RBFOX1: variants seen among roughly 807,000 people sequenced by gnomAD.
The protein encoded by RBFOX1 is RNA binding fox-1 homolog 1, also known as RNA binding protein fox-1 homolog 1.
In RBFOX1, 8 loss-of-function variants were observed where a neutral mutation model predicts 57.7. The observed-to-expected ratio is 0.14, with a 90% CI of 0.08 to 0.25. The LOEUF (loss-of-function observed/expected upper bound fraction) is 0.25, where lower values mean the gene tolerates loss of function less well. Ranked by LOEUF, RBFOX1 falls within the 10% of genes least tolerant of loss-of-function variation. The probability of loss-of-function intolerance (pLI) is 1.00; values close to 1 mark genes in which losing one functional copy is unlikely to be tolerated. For synonymous variants in RBFOX1, 326 were observed against 222.4 expected (o/e 1.47, Z -4.15); for missense variants, 611 against 548.5 (o/e 1.11, Z -1.14).
intron 4 of RBFOX1, among the ~76,000 whole-genome samples, chr16:7,091,595 C>G (rs1188020009): frequency 6.6e-6 from 1 of 152,126 alleles, no homozygotes. Flanking sequence ...CTCTACCTCC[C>G]AGAGTGTGTT....
chr16:6,133,795 G>T (rs1229939880), intron 1 of RBFOX1, among the ~76,000 whole-genome samples: 2 of 152,084 alleles, frequency 1.3e-5, no homozygotes, highest in Non-Finnish European at 2.9e-5. Flanking sequence ...GTCTTTGCCT[G>T]TGCTGTGCTT....
intron 1 of RBFOX1, among the ~76,000 whole-genome samples, chr16:5,341,546 T>G (rs532268687): frequency 5.3e-4 from 80 of 152,142 alleles, no homozygotes; most frequent in Non-Finnish European, 6.9e-4. Flanking sequence ...TCCCTGAGTT[T>G]TTTTATTTGA....
At chr16:7,341,578 T>G (rs551556970) in intron 4 of RBFOX1, among the ~76,000 whole-genome samples, 9 of 152,286 alleles carry the variant, frequency 5.9e-5, no homozygotes, top group Admixed American at 2.6e-4. Flanking sequence ...TCTTCATTGC[T>G]GTCAGTGGTC....
At chr16:5,834,014 G>T (rs937822653) in intron 3 of RBFOX1, among the ~76,000 whole-genome samples, 1 of 152,182 alleles carries the variant, frequency 6.6e-6, no homozygotes, top group Non-Finnish European at 1.5e-5. Flanking sequence ...AACAGATACA[G>T]ATTTTTATCC....
intron 1 of RBFOX1, among the ~76,000 whole-genome samples, chr16:6,296,490 G>A (rs537750633): frequency 7.3e-5 from 11 of 150,738 alleles, no homozygotes; most frequent in Admixed American, 6.0e-4. Context: ...GCGGGATCTC[G>A]GCTCACTGCA....
At chr16:5,317,566 G>A (rs1029561442) in intron 1 of RBFOX1, among the ~76,000 whole-genome samples, 5 of 152,148 alleles carry the variant, frequency 3.3e-5, no homozygotes, top group African/African-American at 1.2e-4. Context: ...CTGAGATCAC[G>A]CCGTTGCACT....
In RBFOX1 at chr16:5,333,798, G is replaced by A. The variant is rs529936558; in HGVS notation, c.219+93693G>A. On this transcript the variant is annotated intron_variant, in intron 1 of 2. Transcript: ENST00000585867. ...AACCTCTACAGCATGTTATTTTACT[G>A]AATCTGGTAGGCATTTGTAACACAG... Among the ~76,000 whole-genome samples the A allele has an allele frequency of 6.2e-3, 940 of 152,284 alleles. 10 individuals carry two copies. Among genetic ancestry groups the A allele is most frequent in the African/African-American group, 0.021 (889 of 41,558 alleles).
chr16:6,780,423 T>TATATATATTTAC (rs1433315825), intron 3 of RBFOX1, among the ~76,000 whole-genome samples: 1 of 117,022 alleles, frequency 8.5e-6, no homozygotes, highest in Non-Finnish European at 1.6e-5. Flanking sequence ...TATATATTTA[T>TATATATATTTAC]ATATATTTAT....
intron 3 of RBFOX1, among the ~76,000 whole-genome samples, chr16:6,990,386 G>A (rs1011972467): frequency 6.6e-6 from 1 of 152,048 alleles, no homozygotes; most frequent in African/African-American, 2.4e-5. Flanking sequence ...TTAGCCGGTA[G>A]TGGTGGCGCA....
intron 3 of RBFOX1, among the ~76,000 whole-genome samples, chr16:5,685,043 G>T (rs571092467): frequency 1.3e-5 from 2 of 152,214 alleles, no homozygotes; most frequent in African/African-American, 4.8e-5. Context: ...CGATAGAAGC[G>T]GTTGTGATTC....
intron 1 of RBFOX1, among the ~76,000 whole-genome samples, chr16:6,208,285 T>A (rs2097268498): frequency 6.6e-6 from 1 of 152,182 alleles, no homozygotes; most frequent in Non-Finnish European, 1.5e-5. Context: ...TAACTTTTGC[T>A]TTATACATGT....
chr16:6,894,169 C>G (rs141182845), intron 3 of RBFOX1, among the ~76,000 whole-genome samples: 3 of 152,074 alleles, frequency 2.0e-5, no homozygotes, highest in Non-Finnish European at 2.9e-5. Context: ...TATCTCTTGT[C>G]TGTCTGTCTG....
rs137973363 is a variant in RBFOX1 at position 5,266,938 on chromosome 16, A to C, written c.219+26833A>C. On this transcript the variant is annotated intron_variant, in intron 1 of 2. Coordinates refer to the RBFOX1 transcript ENST00000585867. ...TCTTTAAGTAATAATTCAATAAAGCATTTAGAAAAATTGGTCATAATAGGA... is the reference window on the plus strand; with the variant it reads ...TCTTTAAGTAATAATTCAATAAAGCCTTTAGAAAAATTGGTCATAATAGGA... 9.0e-3 allele frequency among the ~76,000 whole-genome samples: 1,377 copies of C among 152,178 alleles called. 11 individuals carry two copies. Among genetic ancestry groups the C allele is most frequent in the South Asian group, 0.015 (70 of 4,810 alleles).
At chr16:7,069,714 G>A (rs1257209976) in intron 4 of RBFOX1, among the ~76,000 whole-genome samples, 2 of 152,140 alleles carry the variant, frequency 1.3e-5, no homozygotes, top group African/African-American at 4.8e-5. Context: ...AAGTGGGGCA[G>A]CATCGAGGTG....
chr16:5,929,066 A>T (rs777742381), intron 4 of RBFOX1, among the ~76,000 whole-genome samples: 1 of 150,656 alleles, frequency 6.6e-6, no homozygotes, highest in East Asian at 1.9e-4. Context: ...AGAAAATCCT[A>T]TTTAAACACA....
intron 3 of RBFOX1, among the ~76,000 whole-genome samples, chr16:5,763,900 C>T (rs1469472936): frequency 1.3e-5 from 2 of 152,148 alleles, no homozygotes; most frequent in Non-Finnish European, 2.9e-5. Context: ...TTTTTTATTT[C>T]CAGGTATGTA....
intron 2 of RBFOX1, among the ~76,000 whole-genome samples, chr16:6,469,058 G>A (rs1198155095): frequency 6.6e-6 from 1 of 152,048 alleles, no homozygotes; most frequent in South Asian, 2.1e-4. Flanking sequence ...CCCCTGGGAA[G>A]GTCTTTTCTT....
intron 4 of RBFOX1, among the ~76,000 whole-genome samples, chr16:7,246,245 C>G (rs546261295): frequency 1.3e-5 from 2 of 152,150 alleles, no homozygotes; most frequent in Non-Finnish European, 2.9e-5. Context: ...CTTAGCCTCT[C>G]CACAGCCACC....
At chr16:6,763,773 A>G (rs1000268977) in intron 3 of RBFOX1, among the ~76,000 whole-genome samples, 4 of 152,204 alleles carry the variant, frequency 2.6e-5, no homozygotes, top group African/African-American at 9.6e-5. Flanking sequence ...ACAAACATTA[A>G]ATGTTTAAAT....
Sources: allele counts gnomAD v4.1 joint callset (sites outside exome capture counted in the v4.1 genomes callset), GRCh38; gene constraint gnomAD v4.1.1; transcripts MANE v1.5; gene names NCBI Gene and HGNC (gene_info 2026-07-23, HGNC 2026-07-21).